Variants in ECSIT observed in about 807,000 individuals in gnomAD.
ECSIT encodes the protein evolutionarily conserved signaling intermediate in Toll pathway, mitochondrial.
ECSIT carries 29 observed loss-of-function variants against 36.8 expected under a neutral mutation model. The ratio of observed to expected loss-of-function variants is 0.79; its 90% CI spans 0.59 to 1.08. The LOEUF (loss-of-function observed/expected upper bound fraction) is 1.08, where lower values mean the gene tolerates loss of function less well. Among genes scored for constraint, ECSIT ranks in the 50% least tolerant of loss-of-function variants. The pLI is 0.00. For missense variants in ECSIT, 542 were observed against 581.0 expected (o/e 0.93, Z 0.69); for synonymous variants, 231 against 234.8 (o/e 0.98, Z 0.15).
In ECSIT at chr19:11,514,034, T is replaced by G. The variant is rs1220761597; in HGVS notation, c.284A>C (p.Lys95Thr). ...CTTACGCACGCTGTGCTCCGCAAATTTCTGCACCGTCTGCAGGAAGCTCGC... is the reference window on the plus strand; with the variant it reads ...CTTACGCACGCTGTGCTCCGCAAATGTCTGCACCGTCTGCAGGAAGCTCGC... ...DKASFLQTVQ[K>T]FAEHSVRKRG... The change falls in exon 3 of 8, where the codon AAA becomes ACA. Residue 95 changes from lysine (K) to threonine (T), a missense_variant. By Grantham distance (78) the Lys-to-Thr change is moderately conservative. Transcript: ENST00000270517. The G allele has an allele frequency of 1.2e-6, 2 of 1,614,082 alleles. No homozygotes were observed. The highest frequency in any genetic ancestry group is 3.3e-5 in the Admixed American group (2 of 60,000).
At chr19:11,520,260 C>A (rs1051583851) in intron 1 of ECSIT, among the ~76,000 whole-genome samples, 3 of 152,044 alleles carry the variant, frequency 2.0e-5, no homozygotes, top group African/African-American at 7.2e-5. Flanking sequence ...CAACCTTCGC[C>A]TCCCGGATTC....
chr19:11,519,112 G>C lies in ECSIT; in HGVS notation c.59C>G (p.Thr20Ser). The C allele has an allele frequency of 6.4e-7, 1 of 1,551,206 alleles. No homozygotes were observed. Among genetic ancestry groups the C allele is most frequent in the South Asian group, 1.2e-5 (1 of 84,034 alleles). Reference sequence around the variant, plus strand: ...GGTTCCTGTGAGGGCGGCCCCGCAGGTGCCTCCCCAGGCCCTACAGAGGCC... The same window carrying C: ...GGTTCCTGTGAGGGCGGCCCCGCAGCTGCCTCCCCAGGCCCTACAGAGGCC... The part of the protein sequence containing the change: ...ARGLCRAWGG[T>S]CGAALTGTSI... Residue 20 changes from threonine (T) to serine (S), a missense_variant, in exon 2 of 8, where the codon ACC becomes AGC. Physicochemically the swap from Thr to Ser is moderately conservative, Grantham distance 58. Coordinates refer to ENST00000270517, the MANE Select transcript of ECSIT (RefSeq NM_016581.5). The surrounding 1 kb of genome is among the most constrained non-coding windows in gnomAD (Gnocchi z 4.4).
chr19:11,507,326 G>C, intron 7 of ECSIT, 131 bp downstream of exon 7: 3 of 736,064 alleles, frequency 4.1e-6, no homozygotes, highest in Non-Finnish European at 7.2e-6. Flanking sequence ...ATGTAGGCTG[G>C]AGTGCAGTGG....
At chr19:11,512,698 G>A (rs1410422794) in intron 4 of ECSIT, among the ~76,000 whole-genome samples, 1 of 152,036 alleles carries the variant, frequency 6.6e-6, no homozygotes, top group Non-Finnish European at 1.5e-5. Flanking sequence ...ACTTTGGGAG[G>A]CCGAGGCAGG....
intron 4 of ECSIT, among the ~76,000 whole-genome samples, chr19:11,508,890 A>T (rs781503930): frequency 2.0e-4 from 30 of 152,180 alleles, no homozygotes; most frequent in Non-Finnish European, 3.7e-4. Flanking sequence ...GCAAATAATA[A>T]GTGCTCAGTG....
chr19:11,511,644 A>G (rs1235535954), intron 4 of ECSIT, among the ~76,000 whole-genome samples: 1 of 152,150 alleles, frequency 6.6e-6, no homozygotes, highest in African/African-American at 2.4e-5. Context: ...GTTGCAATCT[A>G]TCTACAATGC....
intron 3 of ECSIT, 65 bp downstream of exon 3, chr19:11,513,739 A>G: frequency 6.3e-7 from 1 of 1,582,182 alleles, no homozygotes; most frequent in Non-Finnish European, 8.6e-7. Flanking sequence ...GCTGAGACTC[A>G]GGAGAGGTGC....
intron 4 of ECSIT, among the ~76,000 whole-genome samples, chr19:11,512,236 T>C (rs540146798): frequency 1.1e-4 from 16 of 152,006 alleles, no homozygotes; most frequent in African/African-American, 3.9e-4. Context: ...TCCCAGCTAC[T>C]TGGGAGGCTG....
Position 11,514,139 on chromosome 19 carries a change from T to C in ECSIT, c.179A>G (p.Glu60Gly). 1 of 1,613,894 alleles carries C rather than the reference T, an allele frequency of 6.2e-7. No individual in the cohort carries two copies. Among genetic ancestry groups the C allele is most frequent in the Non-Finnish European group, 8.5e-7 (1 of 1,179,840 alleles). Residue 60 changes from glutamate to glycine, a missense_variant, in exon 3 of 8, where the codon GAA (glutamate) becomes GGA (glycine). By Grantham distance (98) the Glu-to-Gly change is moderately conservative. Transcript: ENST00000270517. The part of the protein sequence containing the change: ...SEQSLVPSPP[E>G]PRQRPTKALV... ...AGCCTTGGTGGGCCTCTGCCGGGGTTCCGGTGGGCTGGGAACCAGGGACTG... is the reference window on the plus strand; with the variant it reads ...AGCCTTGGTGGGCCTCTGCCGGGGTCCCGGTGGGCTGGGAACCAGGGACTG...
At chr19:11,509,390 T>C (rs1188864955) in intron 4 of ECSIT, among the ~76,000 whole-genome samples, 1 of 151,698 alleles carries the variant, frequency 6.6e-6, no homozygotes, top group Non-Finnish European at 1.5e-5. Context: ...TTTTTTTTTT[T>C]TTAACAAAAT....
At chr19:11,513,379 C>T in intron 3 of ECSIT, 100 bp from the exon 4 acceptor site, 1 of 1,000,524 alleles carries the variant, frequency 1.0e-6, no homozygotes, top group South Asian at 1.3e-5. Flanking sequence ...TGATCACAGA[C>T]AGGGAGAAAA....
chr19:11,506,505 G>GT, intron 7 of ECSIT, 77 bp from the exon 8 acceptor site: 4 of 1,253,372 alleles, frequency 3.2e-6, no homozygotes, highest in Non-Finnish European at 4.3e-6. Context: ...CCTTTTTGAG[G>GT]TATTTTACAC....
At chr19:11,506,895 C>G (rs1458915098) in intron 7 of ECSIT, among the ~76,000 whole-genome samples, 2 of 152,138 alleles carry the variant, frequency 1.3e-5, no homozygotes, top group African/African-American at 4.8e-5. Context: ...CCTAGGCTGC[C>G]CACTCCACAC....
chr19:11,527,319 C>T (rs945097682), intron 1 of ECSIT, among the ~76,000 whole-genome samples: 6 of 152,124 alleles, frequency 3.9e-5, no homozygotes, highest in African/African-American at 1.2e-4. Flanking sequence ...GAGATTCCAT[C>T]GCTAAATAAA....
At position 11,519,161 on chromosome 19, in the gene ECSIT, C is replaced by T. The variant is rs1972054099; in HGVS notation, c.10G>A (p.Val4Ile). 1 of 1,549,818 alleles carries T rather than the reference C, an allele frequency of 6.5e-7. No individual in the cohort carries two copies. The highest frequency in any genetic ancestry group is 2.4e-5 in the East Asian group (1 of 40,902). ...CCTCGGGCCAGTAGGGTGGCCTGGACCCAGCTCATGCCTCTGCTTGTCAGA... is the reference window on the plus strand; with the variant it reads ...CCTCGGGCCAGTAGGGTGGCCTGGATCCAGCTCATGCCTCTGCTTGTCAGA... MSW[V>I]QATLLARGLC... is the part of the protein sequence containing the mutation. The change falls in exon 2 of 8, where the codon GTC becomes ATC. Residue 4 changes from valine (V) to isoleucine (I), a missense_variant. By Grantham distance (29) the Val-to-Ile change is conservative. Coordinates refer to ENST00000270517, the MANE Select transcript of ECSIT (RefSeq NM_016581.5). This position sits in a 1 kb window ranked among gnomAD's most constrained non-coding sequence, Gnocchi z 4.4.
At position 11,513,267 on chromosome 19, in the gene ECSIT, TTGGGCATCACACCTGTGC is replaced by T; in HGVS notation, c.515-6_526del. 6.2e-7 allele frequency: 1 copy of T among 1,613,964 alleles called. No individual in the cohort carries two copies. Among genetic ancestry groups the T allele is most frequent in the East Asian group, 2.2e-5 (1 of 44,864 alleles). ...AATCAGCAGGAACTCCGTCTCCTTG[TTGGGCATCACACCTGTGC>T]TGGGCAGATGCAGGCAGAACCTCAG... On this transcript the variant is annotated splice_acceptor_variant and splice_polypyrimidine_tract_variant and coding_sequence_variant and intron_variant, in exon 4 of 8. Transcript: ENST00000270517. LOFTEE classifies it high-confidence loss of function.
At chr19:11,508,457 C>T (rs1971804995) in intron 4 of ECSIT, among the ~76,000 whole-genome samples, 1 of 148,736 alleles carries the variant, frequency 6.7e-6, no homozygotes, top group Non-Finnish European at 1.5e-5. Flanking sequence ...ATGATCATAG[C>T]TCACTGTAGC....
chr19:11,507,588 G>A (rs780546343), intron 6 of ECSIT, 26 bp from the exon 7 acceptor site: 14 of 1,613,380 alleles, frequency 8.7e-6, no homozygotes, highest in South Asian at 2.2e-5. Flanking sequence ...GAGTGCAGGC[G>A]GGGTCAGAGG....
intron 1 of ECSIT, among the ~76,000 whole-genome samples, chr19:11,527,043 T>C (rs937765456): frequency 6.6e-6 from 1 of 152,090 alleles, no homozygotes; most frequent in African/African-American, 2.4e-5. Flanking sequence ...AAACTAAAAT[T>C]AGGCCAGGCG....
Sources: allele counts gnomAD v4.1 joint callset (sites outside exome capture counted in the v4.1 genomes callset), GRCh38; gene constraint gnomAD v4.1.1; non-coding constraint Gnocchi (gnomAD v3.1); transcripts MANE v1.5; gene names NCBI Gene and HGNC (gene_info 2026-07-23, HGNC 2026-07-21).